The following ADAMTS6 variants were observed in gnomAD, a reference collection of about 807,000 sequenced individuals.
ADAMTS6 encodes the protein A disintegrin and metalloproteinase with thrombospondin motifs 6.
In ADAMTS6, 23 loss-of-function variants were observed where a neutral mutation model predicts 144.3. The ratio of observed to expected loss-of-function variants is 0.16; its 90% CI spans 0.11 to 0.23. The LOEUF (loss-of-function observed/expected upper bound fraction) is 0.23, where lower values mean the gene tolerates loss of function less well. Among genes scored for constraint, ADAMTS6 ranks in the 10% least tolerant of loss-of-function variants. The pLI, the probability that ADAMTS6 is intolerant of heterozygous loss-of-function variation, is 1.00. For synonymous variants in ADAMTS6, 444 were observed against 457.5 expected, an observed-to-expected ratio of 0.97 and a Z score of 0.38; for missense variants, 999 against 1,379.6, an observed-to-expected ratio of 0.72 and a Z score of 4.37.
chr5:65,308,246 G>T (rs1195756065), intron 9 of ADAMTS6, among the ~76,000 whole-genome samples: 1 of 152,144 alleles, frequency 6.6e-6, no homozygotes, highest in African/African-American at 2.4e-5. Flanking sequence ...AGTGTTATTT[G>T]GTTATGTGTG....
rs758915344 is a variant in ADAMTS6, at chr5:65,188,045, G to A, written c.2881C>T (p.Pro961Ser). 4 of 1,614,100 alleles carry A rather than the reference G, an allele frequency of 2.5e-6. No homozygotes were observed. In the Admixed American group the frequency reaches 5.0e-5, roughly 20 times the overall value. Residue 961 changes from proline to serine, a missense_variant, in exon 22 of 25, where the codon CCA (proline) becomes TCA (serine). Physicochemically the swap from Pro to Ser is moderately conservative, Grantham distance 74. Around this residue, in one of 3 missense-constraint regions of ADAMTS6, gnomAD observed 619 missense variants for 837.0 expected, o/e 0.74. Coordinates refer to ENST00000381055, the MANE Select transcript of ADAMTS6 (RefSeq NM_197941.4). The part of the protein sequence containing the change: ...KEPCNNQSCP[P>S]QWVALDWSEC... ...GACCAGTCCAAAGCCACCCACTGTGGTGGACATGACTGGTTGTTGCAGGGC... is the reference window on the plus strand; with the variant it reads ...GACCAGTCCAAAGCCACCCACTGTGATGGACATGACTGGTTGTTGCAGGGC...
At chr5:65,228,442 A>C (rs1757887979) in intron 15 of ADAMTS6, among the ~76,000 whole-genome samples, 1 of 152,188 alleles carries the variant, frequency 6.6e-6, no homozygotes, top group Non-Finnish European at 1.5e-5. Flanking sequence ...CTTTCAGAAA[A>C]GGTACCACTA....
chr5:65,479,851 A>G lies in ADAMTS6; in HGVS notation c.-280+1492T>C, dbSNP rs557369917. On this transcript the variant is annotated intron_variant, in intron 1 of 24. Coordinates refer to ENST00000381055, the MANE Select transcript of ADAMTS6 (RefSeq NM_197941.4). ...GTTTTTCTTCTTGGGAATCACAAAA[A>G]TATTAAGACCACTACACAGACTTCA... 1.6e-4 allele frequency among the ~76,000 whole-genome samples: 25 copies of G among 152,338 alleles called. No individual in the cohort carries two copies. In the East Asian group the frequency reaches 4.8e-3, roughly 29 times the overall value.
chr5:65,458,256 A>G (rs1157152978), intron 4 of ADAMTS6, among the ~76,000 whole-genome samples: 1 of 152,180 alleles, frequency 6.6e-6, no homozygotes, highest in East Asian at 1.9e-4. Context: ...GACCTAATTA[A>G]CAGCCTCAGA....
chr5:65,397,605 G>A (rs1398012602), intron 7 of ADAMTS6, among the ~76,000 whole-genome samples: 1 of 152,004 alleles, frequency 6.6e-6, no homozygotes, highest in African/African-American at 2.4e-5. Context: ...GGCCAGGTGT[G>A]GTGGCTCACA....
chr5:65,400,590 G>A (rs557411119), intron 7 of ADAMTS6, among the ~76,000 whole-genome samples: 12 of 152,216 alleles, frequency 7.9e-5, no homozygotes, highest in East Asian at 1.9e-4. Context: ...ATGGTTTGGT[G>A]TCTGACATTA....
intron 7 of ADAMTS6, among the ~76,000 whole-genome samples, chr5:65,419,792 T>C (rs1159696108): frequency 6.6e-6 from 1 of 152,114 alleles, no homozygotes; most frequent in Non-Finnish European, 1.5e-5. Context: ...ATATGCAAAT[T>C]GATAGAGAAA....
At chr5:65,407,533 C>T (rs1754650103) in intron 7 of ADAMTS6, among the ~76,000 whole-genome samples, 1 of 142,878 alleles carries the variant, frequency 7.0e-6, no homozygotes, top group Non-Finnish European at 1.5e-5. Context: ...GTTCCCCTTC[C>T]TGTGTCCATG....
chr5:65,223,718 A>T (rs1757497288), intron 18 of ADAMTS6, among the ~76,000 whole-genome samples: 1 of 151,934 alleles, frequency 6.6e-6, no homozygotes, highest in Non-Finnish European at 1.5e-5. Flanking sequence ...CTGTTGACAG[A>T]CGTTTATGTT....
intron 14 of ADAMTS6, among the ~76,000 whole-genome samples, chr5:65,245,724 CATAGTAA>C (rs1436768774): frequency 6.6e-6 from 1 of 151,984 alleles, no homozygotes; most frequent in Admixed American, 6.6e-5. Context: ...TAAAGGTCCA[CATAGTAA>C]ATATTTTAGG....
At chr5:65,208,994 T>C (rs1756308958) in intron 20 of ADAMTS6, among the ~76,000 whole-genome samples, 2 of 152,250 alleles carry the variant, frequency 1.3e-5, no homozygotes. Flanking sequence ...CATTGCAATC[T>C]GTGTCTTAAC....
intron 8 of ADAMTS6, 107 bp downstream of exon 8, chr5:65,333,935 A>G: frequency 8.5e-7 from 1 of 1,179,212 alleles, no homozygotes. Flanking sequence ...AAAATGACCA[A>G]ATTAATAATA....
intron 9 of ADAMTS6, 65 bp from the exon 10 acceptor site, chr5:65,300,196 T>A: frequency 6.6e-7 from 1 of 1,504,316 alleles, no homozygotes; most frequent in Admixed American, 1.9e-5. Context: ...CATCCCTTAT[T>A]TCCTTATTTG....
chr5:65,451,512 C>T lies in ADAMTS6; in HGVS notation c.1036G>A (p.Gly346Arg). The change falls in exon 7 of 25, where the codon GGG becomes AGG. Residue 346 changes from glycine to arginine, a missense_variant. Physicochemically the swap from Gly to Arg is moderately radical, Grantham distance 125. Around this residue, in one of 3 missense-constraint regions of ADAMTS6, gnomAD observed 128 missense variants for 249.0 expected, o/e 0.51. Coordinates refer to ENST00000381055, the MANE Select transcript of ADAMTS6 (RefSeq NM_197941.4). The stretch of plus-strand genomic sequence containing the variant: ...ACTGCATTATCGTGGTGGGCAATCC[C>T]ATTTTCTGGAATGGTGTTTCCATCA... ...QSDGNTIPEN[G>R]IAHHDNAVLI... 6.2e-7 allele frequency: 1 copy of T among 1,613,730 alleles called. No homozygotes were observed. The highest frequency in any genetic ancestry group is 2.2e-5 in the East Asian group (1 of 44,828).
intron 8 of ADAMTS6, among the ~76,000 whole-genome samples, chr5:65,330,695 C>T (rs1256596176): frequency 6.6e-6 from 1 of 152,030 alleles, no homozygotes; most frequent in African/African-American, 2.4e-5. Context: ...TACATTGGAA[C>T]AGAGATGAGA....
At chr5:65,457,777 T>G (rs945582030) in intron 4 of ADAMTS6, among the ~76,000 whole-genome samples, 2 of 148,108 alleles carry the variant, frequency 1.4e-5, no homozygotes, top group Non-Finnish European at 3.0e-5. Context: ...AGAAGGAGTT[T>G]CGCTCTCGGT....
chr5:65,309,507 G>A (rs1744273694), intron 9 of ADAMTS6, among the ~76,000 whole-genome samples: 1 of 151,792 alleles, frequency 6.6e-6, no homozygotes. Flanking sequence ...AAATACAAAT[G>A]AAGCTTCCCT....
At chr5:65,302,494 G>A (rs940853125) in intron 9 of ADAMTS6, among the ~76,000 whole-genome samples, 15 of 151,618 alleles carry the variant, frequency 9.9e-5, no homozygotes, top group Middle Eastern at 3.4e-3. Context: ...AGAAATGTAT[G>A]AGAGTATCCA....
chr5:65,461,048 A>G (rs910316192), intron 3 of ADAMTS6, among the ~76,000 whole-genome samples: 1 of 152,210 alleles, frequency 6.6e-6, no homozygotes, highest in African/African-American at 2.4e-5. Flanking sequence ...GACTTGCCCA[A>G]TATTACATAG....
Sources: allele counts gnomAD v4.1 joint callset (sites outside exome capture counted in the v4.1 genomes callset), GRCh38; gene constraint gnomAD v4.1.1; regional missense constraint gnomAD v4.1.1; transcripts MANE v1.5; gene names NCBI Gene and HGNC (gene_info 2026-07-23, HGNC 2026-07-21).